The following SPMIP7 variants were observed in gnomAD, a reference collection of about 807,000 sequenced individuals.
SPMIP7 encodes sperm microtubule inner protein 7.
At chr7:50,103,214 T>C in the SPMIP7 span, among the ~76,000 whole-genome samples, 1 of 151,918 alleles carries the variant, frequency 6.6e-6, no homozygotes, top group Middle Eastern at 3.2e-3. Flanking sequence ...TCCATCCTGA[T>C]CTCAAATTTT....
the SPMIP7 span, among the ~76,000 whole-genome samples, chr7:50,152,721 C>G: frequency 6.8e-6 from 1 of 146,638 alleles, no homozygotes; most frequent in Non-Finnish European, 1.5e-5. Context: ...ACAGAGTACT[C>G]TGTCACTCAG....
the SPMIP7 span, among the ~76,000 whole-genome samples, chr7:50,144,982 C>T: frequency 6.6e-6 from 1 of 151,814 alleles, no homozygotes; most frequent in African/African-American, 2.4e-5. Context: ...CTTTTTCAGG[C>T]CTGGCACGGT....
the SPMIP7 span, among the ~76,000 whole-genome samples, chr7:50,107,685 A>G: frequency 1.7e-4 from 26 of 152,142 alleles, no homozygotes; most frequent in African/African-American, 6.3e-4. Flanking sequence ...GAAATAGAAC[A>G]CAAGCTAAGA....
chr7:50,121,983 G>C, the SPMIP7 span, among the ~76,000 whole-genome samples: 2 of 151,560 alleles, frequency 1.3e-5, no homozygotes, highest in East Asian at 3.9e-4. Context: ...ACATTCACAG[G>C]TTCCAGGGAT....
the SPMIP7 span, among the ~76,000 whole-genome samples, chr7:50,155,688 C>T: frequency 1.3e-5 from 2 of 152,084 alleles, no homozygotes; most frequent in African/African-American, 4.8e-5. Context: ...GAAAAACTGT[C>T]CCCTACTGTT....
At chr7:50,158,913 A>T in the SPMIP7 span, 7 of 843,280 alleles carry the variant, frequency 8.3e-6, no homozygotes, top group Non-Finnish European at 1.3e-5. Context: ...AGCACGAGTC[A>T]TCCTCGCTCC....
chr7:50,131,261 T>A, the SPMIP7 span, among the ~76,000 whole-genome samples: 1 of 152,150 alleles, frequency 6.6e-6, no homozygotes, highest in African/African-American at 2.4e-5. Flanking sequence ...TTGTGATGAA[T>A]CTGGAGAAAA....
the SPMIP7 span, among the ~76,000 whole-genome samples, chr7:50,123,493 A>G: frequency 6.6e-6 from 1 of 150,598 alleles, no homozygotes; most frequent in Admixed American, 6.6e-5. Flanking sequence ...GTTGCAGCGC[A>G]CCAGCATGTC....
the SPMIP7 span, among the ~76,000 whole-genome samples, chr7:50,114,401 T>A: frequency 1.3e-5 from 2 of 152,036 alleles, no homozygotes; most frequent in East Asian, 1.9e-4. Flanking sequence ...GCTGTTTAAA[T>A]TTTTTTACAC....
At chr7:50,119,345 T>C in the SPMIP7 span, among the ~76,000 whole-genome samples, 2 of 152,190 alleles carry the variant, frequency 1.3e-5, no homozygotes, top group Non-Finnish European at 2.9e-5. Flanking sequence ...ACAGCTATCC[T>C]AACGCCATAG....
At chr7:50,148,548 T>G in the SPMIP7 span, among the ~76,000 whole-genome samples, 3 of 152,202 alleles carry the variant, frequency 2.0e-5, no homozygotes, top group Non-Finnish European at 4.4e-5. Flanking sequence ...TGGAGGGGAT[T>G]TCCTTTGTAA....
At chr7:50,103,718 C>A in the SPMIP7 span, among the ~76,000 whole-genome samples, 13 of 152,194 alleles carry the variant, frequency 8.5e-5, no homozygotes. Flanking sequence ...TAAGCCCTGA[C>A]AACCTGGTTA....
the SPMIP7 span, chr7:50,141,168 C>G: frequency 1.6e-6 from 1 of 636,274 alleles, no homozygotes; most frequent in South Asian, 2.4e-5. Flanking sequence ...CATTTTGAGC[C>G]TTTGATCTAC....
the SPMIP7 span, among the ~76,000 whole-genome samples, chr7:50,109,708 T>C: frequency 6.6e-6 from 1 of 152,178 alleles, no homozygotes; most frequent in Non-Finnish European, 1.5e-5. Flanking sequence ...TTGTTTTGGT[T>C]ACTAGGGTCA....
chr7:50,119,852 G>A, the SPMIP7 span, among the ~76,000 whole-genome samples: 1 of 152,202 alleles, frequency 6.6e-6, no homozygotes, highest in Non-Finnish European at 1.5e-5. Context: ...ACTAAATCCA[G>A]TAAGGTCTCG....
the SPMIP7 span, among the ~76,000 whole-genome samples, chr7:50,132,907 G>A: frequency 1.3e-5 from 2 of 152,100 alleles, no homozygotes; most frequent in Non-Finnish European, 2.9e-5. Flanking sequence ...CACAAGTCTT[G>A]AAATATAGTT....
the SPMIP7 span, among the ~76,000 whole-genome samples, chr7:50,114,223 GA>G: frequency 6.6e-6 from 1 of 152,122 alleles, no homozygotes; most frequent in Non-Finnish European, 1.5e-5. Context: ...GAGGTGAACA[GA>G]AATGGTAAAC....
At chr7:50,137,194 G>A in the SPMIP7 span, among the ~76,000 whole-genome samples, 1 of 151,730 alleles carries the variant, frequency 6.6e-6, no homozygotes, top group Non-Finnish European at 1.5e-5. Context: ...TTACATATGA[G>A]GAAGTAATAC....
chr7:50,103,697 G>T, the SPMIP7 span, among the ~76,000 whole-genome samples: 236 of 152,012 alleles, frequency 1.6e-3, no homozygotes, highest in African/African-American at 5.6e-3. Context: ...TTATCTTTGG[G>T]GAGATGTCCC....
Sources: gnomAD v4.1 joint callset for allele counts (sites outside exome capture counted in the v4.1 genomes callset) on GRCh38, gnomAD v4.1.1 for gene constraint, MANE v1.5 for transcripts, NCBI Gene and HGNC (gene_info 2026-07-23, HGNC 2026-07-21) for gene names.